The following ERCC6 variants were observed in gnomAD, a reference collection of about 807,000 sequenced individuals.
ERCC6 encodes the protein ERCC excision repair 6, chromatin remodeling factor, also known as DNA excision repair protein ERCC-6.
ERCC6 carries 116 observed loss-of-function variants against 158.7 expected under a neutral mutation model. The ratio of observed to expected loss-of-function variants is 0.73; its 90% CI spans 0.63 to 0.85. The LOEUF (loss-of-function observed/expected upper bound fraction) is 0.85, where lower values mean the gene tolerates loss of function less well. Among genes scored for constraint, ERCC6 ranks in the 40% least tolerant of loss-of-function variants. ERCC6 has a pLI of 0.00. For missense variants in ERCC6, 1,698 were observed against 1,799.4 expected (o/e 0.94, Z 1.02); for synonymous variants, 678 against 659.3 (o/e 1.03, Z -0.43).
chr10:49,538,847 A>C (rs548365178), intron 1 of ERCC6, 115 bp downstream of exon 1: 3 of 151,716 alleles, frequency 2.0e-5, no homozygotes, highest in Non-Finnish European at 4.4e-5. Flanking sequence ...GTCCTCGCTG[A>C]CAGGCTCAAT....
At chr10:49,481,341 T>A (rs560445608) in intron 10 of ERCC6, among the ~76,000 whole-genome samples, 28 of 152,046 alleles carry the variant, frequency 1.8e-4, no homozygotes, top group African/African-American at 5.3e-4. Context: ...TAAATTTTTT[T>A]AAAAAAAAGA....
chr10:49,492,021 T>C (rs1851181385), intron 8 of ERCC6, among the ~76,000 whole-genome samples: 1 of 152,250 alleles, frequency 6.6e-6, no homozygotes, highest in Non-Finnish European at 1.5e-5. Flanking sequence ...CCTAATTTAT[T>C]AATTATCTTA....
rs955574355 is a variant in ERCC6 at position 49,506,956 on chromosome 10, TA to T, written c.1398-945del. 3.5e-3 allele frequency among the ~76,000 whole-genome samples: 504 copies of T among 145,946 alleles called. 3 individuals carry two copies. The highest frequency in any genetic ancestry group is 0.011 in the African/African-American group (423 of 39,786). ...ACAGAGAAATGCTTTCAAACTACAA[TA>T]AAAAAAAAACTCATAGGAAGCGAGT... On this transcript the variant is annotated intron_variant, in intron 5 of 20. Transcript: ENST00000355832.
chr10:49,521,966 T>C (rs1182274105), intron 5 of ERCC6, among the ~76,000 whole-genome samples: 3 of 152,116 alleles, frequency 2.0e-5, no homozygotes, highest in African/African-American at 4.8e-5. Flanking sequence ...GAGGATGAGA[T>C]ATCCAGAAGT....
Position 49,463,375 on chromosome 10 carries a change from T to C in ERCC6, c.3779-1819A>G, listed in dbSNP as rs932526082. 5.9e-5 allele frequency among the ~76,000 whole-genome samples: 9 copies of C among 152,164 alleles called. No individual in the cohort carries two copies. The East Asian group carries it at 1.5e-3, about 26-fold the overall frequency. On this transcript the variant is annotated intron_variant, in intron 18 of 20. Transcript: ENST00000355832. ...AAAAGTTTTGGATTTTAGAGCATTTTAGATTTCAGGTTTTGGGTCAACATA... is the reference window on the plus strand; with the variant it reads ...AAAAGTTTTGGATTTTAGAGCATTTCAGATTTCAGGTTTTGGGTCAACATA...
chr10:49,460,952 C>T (rs1019107605), intron 19 of ERCC6, among the ~76,000 whole-genome samples: 2 of 151,886 alleles, frequency 1.3e-5, no homozygotes, highest in Non-Finnish European at 1.5e-5. Flanking sequence ...GTATCTTGTT[C>T]AAAAGATGAT....
At chr10:49,454,285 C>T (rs1850452966), downstream of ERCC6, among the ~76,000 whole-genome samples, 1 of 152,166 alleles carries the variant, frequency 6.6e-6, no homozygotes, top group Admixed American at 6.5e-5. Flanking sequence ...GAATTTAGCT[C>T]TTGCCACTTG....
rs563884033 is a variant in ERCC6 at position 49,478,940 on chromosome 10, G to C, written c.2170-470C>G. ...AAGCTAACTCTGGGGAAAAGCTACA[G>C]TGATGGAGCAGCCAGCCAATAAGCA... On this transcript the variant is annotated intron_variant, in intron 10 of 20. Transcript: ENST00000355832. Among the ~76,000 whole-genome samples the C allele has an allele frequency of 5.3e-5, 8 of 152,274 alleles. No individual in the cohort carries two copies. The East Asian group carries it at 1.5e-3, about 29-fold the overall frequency.
chr10:49,538,108 T>G (rs987733347), intron 1 of ERCC6, among the ~76,000 whole-genome samples: 4 of 152,254 alleles, frequency 2.6e-5, no homozygotes, highest in Admixed American at 2.6e-4. Flanking sequence ...AGGGCTCCGT[T>G]CATGGCCTAA....
At chr10:49,468,269 G>C (rs1385621602) in intron 18 of ERCC6, among the ~76,000 whole-genome samples, 3 of 152,204 alleles carry the variant, frequency 2.0e-5, no homozygotes, top group Non-Finnish European at 4.4e-5. Context: ...ATCGTCTCTT[G>C]CATGTGAATG....
intron 18 of ERCC6, among the ~76,000 whole-genome samples, chr10:49,465,235 G>T (rs961759371): frequency 6.6e-6 from 1 of 152,226 alleles, no homozygotes; most frequent in Non-Finnish European, 1.5e-5. Context: ...AGATTTGACT[G>T]CCCTGCTGGA....
intron 5 of ERCC6, among the ~76,000 whole-genome samples, chr10:49,511,149 G>A (rs1351914832): frequency 1.3e-5 from 2 of 152,112 alleles, no homozygotes; most frequent in East Asian, 1.9e-4. Flanking sequence ...TCTGTAAGGA[G>A]CCTGGTTTCT....
intron 5 of ERCC6, chr10:49,517,036 T>C (rs767133566): frequency 6.2e-7 from 1 of 1,613,982 alleles, no homozygotes; most frequent in Non-Finnish European, 8.5e-7. Context: ...GGTGGTTGTA[T>C]CACTATAGCA....
the ERCC6 span, among the ~76,000 whole-genome samples, chr10:49,441,467 G>A: frequency 1.3e-5 from 2 of 152,182 alleles, no homozygotes; most frequent in Non-Finnish European, 2.9e-5. Context: ...TGTGAAAGCA[G>A]GACTAATGAA....
intron 5 of ERCC6, among the ~76,000 whole-genome samples, chr10:49,517,627 C>CTT (rs147251562): frequency 6.8e-6 from 1 of 146,334 alleles, no homozygotes; most frequent in Non-Finnish European, 1.5e-5. Flanking sequence ...AGTCTTCTTT[C>CTT]TTTTTTTTTT....
chr10:49,500,940 T>C, intron 6 of ERCC6: 1 of 507,826 alleles, frequency 2.0e-6, no homozygotes, highest in Non-Finnish European at 3.5e-6. Context: ...AACTGATAGA[T>C]GGGGTAATTA....
chr10:49,473,615 G>T, intron 13 of ERCC6, 28 bp from the exon 14 acceptor site: 2 of 1,306,842 alleles, frequency 1.5e-6, no homozygotes, highest in Non-Finnish European at 2.2e-6. Flanking sequence ...ATAGGAGTTT[G>T]CAAAGCAAAT....
intron 3 of ERCC6, 66 bp downstream of exon 3, chr10:49,530,654 C>T: frequency 3.1e-6 from 5 of 1,591,918 alleles, no homozygotes; most frequent in Non-Finnish European, 3.4e-6. Flanking sequence ...AAAATACTTC[C>T]TAAATTAAGT....
chr10:49,531,185 C>A (rs1264581473), intron 2 of ERCC6, among the ~76,000 whole-genome samples: 1 of 152,156 alleles, frequency 6.6e-6, no homozygotes. Context: ...TGAAAAAATG[C>A]ATACATGGGT....
Sources: gnomAD v4.1 joint callset for allele counts (sites outside exome capture counted in the v4.1 genomes callset) on GRCh38, gnomAD v4.1.1 for gene constraint, MANE v1.5 for transcripts, NCBI Gene and HGNC (gene_info 2026-07-23, HGNC 2026-07-21) for gene names.